ZC3H12B: variants seen among roughly 807,000 people sequenced by gnomAD.
The protein encoded by ZC3H12B is zinc finger CCCH-type containing 12B, also known as probable ribonuclease ZC3H12B.
A neutral mutation model predicts 43.9 loss-of-function variants in ZC3H12B; 7 were observed. The observed-to-expected ratio is 0.16, with a 90% CI of 0.09 to 0.30. The LOEUF is 0.30. Ranked by LOEUF, ZC3H12B falls within the 10% of genes least tolerant of loss-of-function variation. The pLI, the probability that ZC3H12B is intolerant of heterozygous loss-of-function variation, is 1.00. For missense variants in ZC3H12B, 475 were observed against 670.2 expected (o/e 0.71, Z 3.22); for synonymous variants, 222 against 241.7 (o/e 0.92, Z 0.76).
At chrX:65,160,754 A>G in the ZC3H12B span, among the ~76,000 whole-genome samples, 2 of 110,580 alleles carry the variant, frequency 1.8e-5, no homozygotes, top group African/African-American at 3.3e-5. Context: ...TTGTGTCTCT[A>G]TTTCCTTCAG....
chrX:65,149,237 G>C, the ZC3H12B span, among the ~76,000 whole-genome samples: 5 of 111,585 alleles, frequency 4.5e-5, no homozygotes, highest in African/African-American at 1.6e-4. Flanking sequence ...ATAATCTCCA[G>C]TCCTGTGAGA....
At chrX:65,085,085 A>G in the ZC3H12B span, among the ~76,000 whole-genome samples, 1 of 111,831 alleles carries the variant, frequency 8.9e-6, no homozygotes, top group Admixed American at 9.5e-5. Flanking sequence ...ACATAGTTGA[A>G]GGATGGTTAC....
chrX:65,140,380 A>G, the ZC3H12B span, among the ~76,000 whole-genome samples: 4 of 111,422 alleles, frequency 3.6e-5, no homozygotes, highest in African/African-American at 1.3e-4. Context: ...TTTGTCTGTC[A>G]ATGTGGCATA....
chrX:65,242,485 AGAG>A, the ZC3H12B span, among the ~76,000 whole-genome samples: 1 of 112,478 alleles, frequency 8.9e-6, no homozygotes, highest in Non-Finnish European at 1.9e-5. Context: ...ACAAAATTAA[AGAG>A]GACATAAAAA....
rs1008056842 is a variant in ZC3H12B at position 65,379,040 on chromosome X, C to T, written n.295+10042C>T. Among the ~76,000 whole-genome samples, 41 of 111,983 alleles carry T rather than the reference C, an allele frequency of 3.7e-4. 1 individual carries two copies. The highest frequency in any genetic ancestry group is 6.2e-4 in the Non-Finnish European group (33 of 53,146). On this transcript the variant is annotated intron_variant and non_coding_transcript_variant, in intron 2 of 5. Coordinates refer to the ZC3H12B transcript ENST00000617377. The stretch of plus-strand genomic sequence containing the variant: ...GCAGCGAGGCTAGGGGAGGGGTGCC[C>T]GCAATTGCCCAGGCTTGCTTAGGTA...
chrX:65,352,734 A>G, the ZC3H12B span, among the ~76,000 whole-genome samples: 3 of 112,000 alleles, frequency 2.7e-5, no homozygotes, highest in Non-Finnish European at 5.6e-5. Flanking sequence ...CCATTTTTCC[A>G]ACAATGTATG....
chrX:65,195,124 T>C, the ZC3H12B span, among the ~76,000 whole-genome samples: 3 of 109,984 alleles, frequency 2.7e-5, no homozygotes, highest in Non-Finnish European at 5.7e-5. Context: ...TCAGCCACTC[T>C]GTCTTTTTAA....
the ZC3H12B span, among the ~76,000 whole-genome samples, chrX:65,167,810 G>T: frequency 9.0e-6 from 1 of 111,647 alleles, no homozygotes; most frequent in Non-Finnish European, 1.9e-5. Flanking sequence ...AATTGTGAAT[G>T]TGAGTTCACT....
At chrX:65,124,077 G>A in the ZC3H12B span, among the ~76,000 whole-genome samples, 3 of 111,082 alleles carry the variant, frequency 2.7e-5, no homozygotes, top group Non-Finnish European at 3.8e-5. Context: ...AGTTCTGAGT[G>A]GCTATGCTTT....
chrX:65,080,546 A>G, the ZC3H12B span, among the ~76,000 whole-genome samples: 1 of 111,569 alleles, frequency 9.0e-6, no homozygotes, highest in East Asian at 2.8e-4. Context: ...ATTTCAGTGG[A>G]AACCTTACAG....
chrX:65,465,891 T>C (rs1172337896), intron 3 of ZC3H12B, among the ~76,000 whole-genome samples: 2 of 110,454 alleles, frequency 1.8e-5, no homozygotes, highest in African/African-American at 3.3e-5. Flanking sequence ...TGATTATATA[T>C]ATTTTTTTGA....
the ZC3H12B span, among the ~76,000 whole-genome samples, chrX:65,042,587 G>A: frequency 8.9e-6 from 1 of 112,054 alleles, no homozygotes; most frequent in Admixed American, 9.4e-5. Flanking sequence ...ATTAATTTAA[G>A]TATGTAATGA....
In ZC3H12B at chrX:65,501,239, C is replaced by CTTT. The variant is rs770490342; in HGVS notation, c.1091-528_1091-526dup. Among the ~76,000 whole-genome samples, 148 of 63,313 alleles carry CTTT rather than the reference C, an allele frequency of 2.3e-3. 1 individual carries two copies. The highest frequency in any genetic ancestry group is 6.1e-3 in the African/African-American group (72 of 11,776). 55.0% of individuals were successfully genotyped at this position (63,313 alleles called of 115,157 possible). On this transcript the variant is annotated intron_variant, in intron 4 of 4. Coordinates refer to ENST00000338957, the Ensembl canonical transcript of ZC3H12B. The stretch of plus-strand genomic sequence containing the variant: ...AAAAATTAAAACTGCTCAGCTTTAG[C>CTTT]TTTTTTTTTTTTTTTTTTTTTTTTG...
intron 3 of ZC3H12B, among the ~76,000 whole-genome samples, chrX:65,457,058 C>T (rs1486848634): frequency 2.3e-4 from 22 of 94,011 alleles, no homozygotes; most frequent in African/African-American, 8.3e-4. Context: ...CCCGGCCGCC[C>T]ATCGTCTGAG....
the ZC3H12B span, among the ~76,000 whole-genome samples, chrX:65,192,519 T>C: frequency 2.7e-5 from 3 of 111,240 alleles, no homozygotes; most frequent in Non-Finnish European, 5.7e-5. Flanking sequence ...TTGAGGTATG[T>C]TTATTCTGTA....
the ZC3H12B span, among the ~76,000 whole-genome samples, chrX:65,147,467 C>A: frequency 1.1e-4 from 12 of 111,230 alleles, no homozygotes; most frequent in Non-Finnish European, 2.3e-4. Context: ...TAGGAGCCAG[C>A]CTGAAGCCTG....
intron 3 of ZC3H12B, among the ~76,000 whole-genome samples, chrX:65,433,939 C>T (rs2067191448): frequency 9.0e-6 from 1 of 111,544 alleles, no homozygotes; most frequent in Non-Finnish European, 1.9e-5. Flanking sequence ...GAAGTTTTCT[C>T]CTCGTATTGG....
the ZC3H12B span, among the ~76,000 whole-genome samples, chrX:65,249,204 A>G: frequency 8.0e-5 from 9 of 112,043 alleles, no homozygotes; most frequent in Non-Finnish European, 1.7e-4. Context: ...TAGAATTTTT[A>G]TAGTTTCATG....
the ZC3H12B span, among the ~76,000 whole-genome samples, chrX:65,151,930 C>T: frequency 1.5e-4 from 17 of 111,764 alleles, no homozygotes; most frequent in South Asian, 1.1e-3. Flanking sequence ...GTTCAATATA[C>T]GCAAATCAAT....
Sources: gnomAD v4.1 joint callset for allele counts (sites outside exome capture counted in the v4.1 genomes callset) on GRCh38, gnomAD v4.1.1 for gene constraint, MANE v1.5 for transcripts, NCBI Gene and HGNC (gene_info 2026-07-23, HGNC 2026-07-21) for gene names.